The following GBP4 variants were observed in gnomAD, a reference collection of about 807,000 sequenced individuals.
GBP4 encodes guanylate-binding protein 4.
GBP4 carries 69 observed loss-of-function variants against 62.2 expected under a neutral mutation model. The ratio of observed to expected loss-of-function variants is 1.11; its 90% CI spans 0.91 to 1.36. The LOEUF is 1.36. Ranked by LOEUF, GBP4 falls within the 40% of genes most tolerant of loss-of-function variation. GBP4 has a pLI of 0.00. For missense variants in GBP4, 697 were observed against 759.3 expected (o/e 0.92, Z 0.96); for synonymous variants, 278 against 274.6 (o/e 1.01, Z -0.12).
chr1:89,195,382 A>G lies in GBP4; in HGVS notation c.278T>C (p.Ile93Thr), dbSNP rs1164106906. The G allele has an allele frequency of 1.9e-6, 3 of 1,613,914 alleles. No homozygotes were observed. Among genetic ancestry groups the G allele is most frequent in the Admixed American group, 3.3e-5 (2 of 60,002 alleles). Residue 93 changes from isoleucine (I) to threonine (T), a missense_variant, in exon 3 of 11, where the codon ATC becomes ACC. Transcript: ENST00000355754. Reference protein sequence around the residue: ...GSTVQSETKGIWMWCVPHLSK... With the variant: ...GSTVQSETKGTWMWCVPHLSK... Reference sequence around the variant, plus strand: ...GAGGTGGGGCACACACCACATCCAGATGCCCTTAGTTTCAGACTGCACCGT... The same window carrying G: ...GAGGTGGGGCACACACCACATCCAGGTGCCCTTAGTTTCAGACTGCACCGT...
At position 89,188,675 on chromosome 1, in the gene GBP4, T is replaced by G. The variant is rs1648103332; in HGVS notation, c.1317A>C (p.Gly439=). ...SEHLTESILR[G]IFSVPGGHNL... Reference sequence around the variant, plus strand: ...TGTGTCCTCCAGGAACAGAGAAAATTCCTCTCAAAATGCTTTCTGTCAGGT... The same window carrying G: ...TGTGTCCTCCAGGAACAGAGAAAATGCCTCTCAAAATGCTTTCTGTCAGGT... The change falls in exon 8 of 11, where the codon GGA becomes GGC. Residue 439 remains glycine (G), a synonymous_variant. Coordinates refer to ENST00000355754, the MANE Select transcript of GBP4 (RefSeq NM_052941.5). 1.9e-6 allele frequency: 3 copies of G among 1,614,088 alleles called. No individual in the cohort carries two copies. The highest frequency in any genetic ancestry group is 2.5e-6 in the Non-Finnish European group (3 of 1,180,034).
chr1:89,195,135 C>G (rs1648295185), intron 3 of GBP4, among the ~76,000 whole-genome samples, 162 bp downstream of exon 3: 1 of 152,098 alleles, frequency 6.6e-6, no homozygotes, highest in African/African-American at 2.4e-5. Context: ...CTTAAATATG[C>G]CTCAATACTT....
rs1395578064 is a variant in GBP4, at chr1:89,182,961, C to A, written c.*2293G>T. The A allele has an allele frequency of 6.6e-6, 1 of 152,170 alleles. No individual in the cohort carries two copies. Among genetic ancestry groups the A allele is most frequent in the Non-Finnish European group, 1.5e-5 (1 of 68,030 alleles). The allele number at this position is 152,170 out of a possible 1,614,324, so 9.4% of individuals were successfully genotyped here. On this transcript the variant is annotated 3_prime_UTR_variant, in exon 11 of 11. Coordinates refer to ENST00000355754, the MANE Select transcript of GBP4 (RefSeq NM_052941.5). ...GCTGCAAGTTTTGAGCACTAGACAG[C>A]AGAAATAAATTCCTAAAATGTTGAG...
intron 7 of GBP4, among the ~76,000 whole-genome samples, 162 bp downstream of exon 7, chr1:89,189,876 T>A (rs1414256429): frequency 2.6e-5 from 4 of 152,050 alleles, no homozygotes; most frequent in Non-Finnish European, 4.4e-5. Context: ...AAAGTGACAA[T>A]CCTCTAGAAG....
chr1:89,188,717 A>G lies in GBP4; in HGVS notation c.1275T>C (p.Leu425=). ...EASAKYCQAE[L]KRLSEHLTES... ...CTGTCAGGTGCTCTGAAAGCCGCTT[A>G]AGCTCAGCCTGGCAATATTTGGCAG... The change falls in exon 8 of 11, where the codon CTT becomes CTC. Residue 425 remains leucine (L), a synonymous_variant. Transcript: ENST00000355754. 1 of 1,613,854 alleles carries G rather than the reference A, an allele frequency of 6.2e-7. No homozygotes were observed. The highest frequency in any genetic ancestry group is 8.5e-7 in the Non-Finnish European group (1 of 1,180,046).
rs917812273 is a variant in GBP4 at position 89,187,096 on chromosome 1, C to A, written c.1417G>T (p.Glu473Ter). Residue 473 changes from glutamate to a stop codon, truncating the protein, a stop_gained, in exon 9 of 11, where the codon GAG becomes TAG. Transcript: ENST00000355754. LOFTEE classifies it high-confidence loss of function. ...LVPRKGVKAN[E>*]VLQNFLQSQV... ...GACTGCAGGAAGTTCTGGAGGACCT[C>A]GTTTGCCTGAGGAACCAAGAAAGAG... is the stretch of plus-strand genomic sequence containing the variant. The A allele has an allele frequency of 1.2e-6, 2 of 1,613,840 alleles. No individual in the cohort carries two copies. The highest frequency in any genetic ancestry group is 1.3e-5 in the African/African-American group (1 of 74,880).
In GBP4 at chr1:89,195,297, C is replaced by G; in HGVS notation, c.363G>C (p.Lys121Asn). Reference protein sequence around the residue: ...LDTEGLGDVEKSNPKNDSWIF... With the variant: ...LDTEGLGDVENSNPKNDSWIF... ...GAGCGGTGAAGTTTCTCTGCCTTAC[C>G]TTTTCTACATCGCCCAGGCCCTCGG... The change falls in exon 3 of 11, where the codon AAG becomes AAC. Residue 121 changes from lysine to asparagine, a missense_variant and splice_region_variant. By Grantham distance (94) the Lys-to-Asn change is moderately conservative (BLOSUM62 0). This residue lies in a region of GBP4 where 556 missense variants were observed against 562.7 expected (regional missense o/e 0.99). Coordinates refer to ENST00000355754, the MANE Select transcript of GBP4 (RefSeq NM_052941.5). 1.9e-6 allele frequency: 3 copies of G among 1,613,518 alleles called. No individual in the cohort carries two copies. The highest frequency in any genetic ancestry group is 2.2e-5 in the East Asian group (1 of 44,862).
chr1:89,186,389 C>CT lies in GBP4; in HGVS notation c.1650_1651insA (p.Glu551ArgfsTer11). 1 of 1,514,318 alleles carries CT rather than the reference C, an allele frequency of 6.6e-7. No individual in the cohort carries two copies. The highest frequency in any genetic ancestry group is 9.2e-7 in the Non-Finnish European group (1 of 1,089,996). The allele number at this position is 1,514,318 out of a possible 1,614,324, so 93.8% of individuals were successfully genotyped here. A position where few individuals can be genotyped will look rare whatever the true frequency, so the allele number is the denominator to read the frequency against. Reference sequence around the variant, plus strand: ...TCTCTGAGAAGGTTTTCCCTTTCCTCCTCCAACTTCTTCTCCATTTGGGCC... The same window carrying CT: ...TCTCTGAGAAGGTTTTCCCTTTCCTCTCTCCAACTTCTTCTCCATTTGGGCC... On this transcript the variant is annotated frameshift_variant, in exon 10 of 11. Transcript: ENST00000355754. LOFTEE classifies it high-confidence loss of function.
At position 89,190,290 on chromosome 1, in the gene GBP4, T is replaced by C. The variant is rs1200947082; in HGVS notation, c.945A>G (p.Val315=). The C allele has an allele frequency of 1.2e-6, 2 of 1,610,996 alleles. No individual in the cohort carries two copies. Among genetic ancestry groups the C allele is most frequent in the African/African-American group, 2.7e-5 (2 of 74,998 alleles). ...KRLGTLVVTY[V]DAINSGAVPC... ...GTACTGCTCCACTGTTGATGGCATC[T>C]ACATAAGTCACCACCAGAGTCCCCA... Residue 315 remains valine, a synonymous_variant, in exon 7 of 11, where the codon GTA becomes GTG. Transcript: ENST00000355754.
chr1:89,197,120 T>C lies in GBP4; in HGVS notation c.225A>G (p.Gly75=). The change falls in exon 2 of 11, where the codon GGA becomes GGG. Residue 75 remains glycine (G), a synonymous_variant. Transcript: ENST00000355754. ...GKSYLMNRLA[G]KRNGFPLGST... ...TAGGACCACACTCACCATTGCGCTT[T>C]CCTGCAAGACGATTCATGAGATAGG... 6.2e-7 allele frequency: 1 copy of C among 1,612,340 alleles called. No individual in the cohort carries two copies. The highest frequency in any genetic ancestry group is 8.5e-7 in the Non-Finnish European group (1 of 1,178,832).
intron 3 of GBP4, 116 bp downstream of exon 3, chr1:89,195,181 G>T (rs550284837): frequency 9.5e-7 from 1 of 1,049,688 alleles, no homozygotes; most frequent in Non-Finnish European, 1.4e-6. Context: ...ACAGAATTTA[G>T]CCTCATTATT....
At chr1:89,197,348 A>C (rs955784885) in intron 1 of GBP4, 44 bp from the exon 2 acceptor site, 1 of 1,565,318 alleles carries the variant, frequency 6.4e-7, no homozygotes, top group Non-Finnish European at 8.7e-7. Flanking sequence ...AAGATCTTGA[A>C]GTCATCCCTA....
At chr1:89,192,870 T>C (rs1287126413) in intron 5 of GBP4, 34 bp downstream of exon 5, 12 of 1,600,770 alleles carry the variant, frequency 7.5e-6, no homozygotes, top group Non-Finnish European at 9.4e-6. Flanking sequence ...TACCCCCCAC[T>C]GAACCTTCCC....
At chr1:89,191,658 A>G (rs757469098) in intron 5 of GBP4, 152 bp from the exon 6 acceptor site, 33 of 778,710 alleles carry the variant, frequency 4.2e-5, no homozygotes, top group Admixed American at 1.5e-4. Context: ...TGCTAATCCA[A>G]TGAAGGCATG....
At chr1:89,186,285 A>T in intron 10 of GBP4, 48 bp downstream of exon 10, 2 of 1,503,456 alleles carry the variant, frequency 1.3e-6, no homozygotes, top group Non-Finnish European at 1.8e-6. Flanking sequence ...TTTCCTAAAG[A>T]AGCAGGGCAT....
chr1:89,192,257 G>A (rs1193183376), intron 5 of GBP4, among the ~76,000 whole-genome samples: 1 of 152,180 alleles, frequency 6.6e-6, no homozygotes, highest in Non-Finnish European at 1.5e-5. Flanking sequence ...GCTAAATATA[G>A]TCTGTTTAAC....
Position 89,185,048 on chromosome 1 carries a change from G to A in GBP4, c.*206C>T, listed in dbSNP as rs1647994931. The A allele has an allele frequency of 4.7e-6, 2 of 429,302 alleles. No homozygotes were observed. The highest frequency in any genetic ancestry group is 8.2e-6 in the Non-Finnish European group (2 of 243,294). 26.6% of individuals were successfully genotyped at this position (429,302 alleles called of 1,614,324 possible). Reference sequence around the variant, plus strand: ...TCACTACTTCTGACTTGTTTCCCATGTTTATAAATTATTAGTTCAATCAAA... The same window carrying A: ...TCACTACTTCTGACTTGTTTCCCATATTTATAAATTATTAGTTCAATCAAA... On this transcript the variant is annotated 3_prime_UTR_variant, in exon 11 of 11. Coordinates refer to ENST00000355754, the MANE Select transcript of GBP4 (RefSeq NM_052941.5).
chr1:89,185,231 T>A lies in GBP4; in HGVS notation c.*23A>T. 1 of 1,388,134 alleles carries A rather than the reference T, an allele frequency of 7.2e-7. No individual in the cohort carries two copies. The highest frequency in any genetic ancestry group is 1.0e-6 in the Non-Finnish European group (1 of 980,578). 86.0% of individuals were successfully genotyped at this position (1,388,134 alleles called of 1,614,324 possible). On this transcript the variant is annotated 3_prime_UTR_variant, in exon 11 of 11. Transcript: ENST00000355754. ...ATAAAATAAACCTCATTTTATATTT[T>A]CTTACCTGGAATATTCAGGCTCTTA...
chr1:89,187,721 G>A lies in GBP4; in HGVS notation c.1411-619C>T, dbSNP rs150757795. On this transcript the variant is annotated intron_variant, in intron 8 of 10. Coordinates refer to ENST00000355754, the MANE Select transcript of GBP4 (RefSeq NM_052941.5). ...TCGTCAAAAGAAGACCTGGCCAACA[G>A]GTATGTGAAAGCATGGTCAACATCA... Among the ~76,000 whole-genome samples, 37 of 152,226 alleles carry A rather than the reference G, an allele frequency of 2.4e-4. 1 individual carries two copies. In the East Asian group the frequency reaches 6.2e-3, roughly 25 times the overall value.
Sources: gnomAD v4.1 joint callset for allele counts (sites outside exome capture counted in the v4.1 genomes callset) on GRCh38, gnomAD v4.1.1 for gene constraint, gnomAD v4.1.1 regional missense constraint, MANE v1.5 for transcripts, NCBI Gene and HGNC (gene_info 2026-07-23, HGNC 2026-07-21) for gene names.